Variants in DNASE1 observed in about 807,000 individuals in gnomAD.
The protein encoded by DNASE1 is deoxyribonuclease 1, also known as deoxyribonuclease-1.
DNASE1 carries 40 observed loss-of-function variants against 33.9 expected under a neutral mutation model. That is an observed-to-expected ratio of 1.18 (90% CI 0.92 to 1.54). DNASE1 has a LOEUF of 1.54. DNASE1 is among the 40% of genes most tolerant of loss of function. The pLI, the probability that DNASE1 is intolerant of heterozygous loss-of-function variation, is 0.00. For synonymous variants in DNASE1, 216 were observed against 160.0 expected (o/e 1.35, Z -2.64); for missense variants, 518 against 372.6 (o/e 1.39, Z -3.21).
At chr16:3,612,695 C>T (rs966747251) in intron 1 of DNASE1, among the ~76,000 whole-genome samples, 4 of 152,114 alleles carry the variant, frequency 2.6e-5, no homozygotes, top group Non-Finnish European at 4.4e-5. Flanking sequence ...AGGCGTGAGC[C>T]ACCACGCCCG....
At chr16:3,662,104 G>T, downstream of DNASE1, 1 of 1,613,044 alleles carries the variant, frequency 6.2e-7, no homozygotes, top group Non-Finnish European at 8.5e-7. Flanking sequence ...GGTGACCATG[G>T]CAGGGTGGGT....
intron 7 of DNASE1, 143 bp downstream of exon 7, chr16:3,657,484 C>T (rs983876526): frequency 1.2e-5 from 16 of 1,303,638 alleles, no homozygotes; most frequent in Non-Finnish European, 1.6e-5. Context: ...AACAGAATAA[C>T]AAGAGCCACG....
intron 1 of DNASE1, among the ~76,000 whole-genome samples, chr16:3,612,999 G>A (rs113433938): frequency 8.5e-5 from 13 of 152,258 alleles, no homozygotes; most frequent in African/African-American, 2.9e-4. Context: ...AAAAGATACA[G>A]TATCATAAAA....
At chr16:3,637,291 G>C (rs1460796756) in intron 1 of DNASE1, among the ~76,000 whole-genome samples, 1 of 152,148 alleles carries the variant, frequency 6.6e-6, no homozygotes, top group Non-Finnish European at 1.5e-5. Flanking sequence ...GGTTTCCGTA[G>C]AGACTTCTTA....
downstream of DNASE1, chr16:3,662,215 C>T (rs945220461): frequency 2.4e-5 from 36 of 1,520,636 alleles, no homozygotes; most frequent in Middle Eastern, 2.3e-4. Flanking sequence ...GTGAAGGTCA[C>T]CCAGACCACG....
chr16:3,663,472 T>C (rs776329603), exon 10 of DNASE1: 7 of 1,614,196 alleles, frequency 4.3e-6, no homozygotes, highest in East Asian at 2.2e-5. Context: ...TCCACGACTA[T>C]GTCCGTCTCC....
intron 1 of DNASE1, among the ~76,000 whole-genome samples, chr16:3,631,466 A>G (rs543609901): frequency 6.6e-6 from 1 of 151,898 alleles, no homozygotes; most frequent in East Asian, 1.9e-4. Context: ...CGGCCTCCCA[A>G]AGTGCTGAGA....
chr16:3,619,131 C>T (rs1178112447), intron 1 of DNASE1, among the ~76,000 whole-genome samples: 2 of 151,952 alleles, frequency 1.3e-5, no homozygotes, highest in Non-Finnish European at 2.9e-5. Context: ...ACATCCCAGG[C>T]TCAAGTGATC....
At chr16:3,658,300 A>AGAGT, downstream of DNASE1, 1 of 1,251,820 alleles carries the variant, frequency 8.0e-7, no homozygotes, top group Non-Finnish European at 1.1e-6. Flanking sequence ...TTTTTGAGAC[A>AGAGT]GAGTCTCACT....
chr16:3,647,242 T>C (rs559662420), intron 1 of DNASE1, among the ~76,000 whole-genome samples: 10 of 152,060 alleles, frequency 6.6e-5, no homozygotes, highest in African/African-American at 2.2e-4. Context: ...ATTTGTAGAA[T>C]TGTAAGAACT....
chr16:3,639,908 A>C (rs982911036), upstream of DNASE1, among the ~76,000 whole-genome samples: 4 of 152,196 alleles, frequency 2.6e-5, no homozygotes, highest in African/African-American at 9.6e-5. Flanking sequence ...CAAAAAATGA[A>C]ATAAATTATT....
At chr16:3,620,549 A>G (rs1257530547) in intron 1 of DNASE1, among the ~76,000 whole-genome samples, 2 of 151,902 alleles carry the variant, frequency 1.3e-5, no homozygotes, top group African/African-American at 4.8e-5. Context: ...TATACTATGC[A>G]TATTGCATCA....
At chr16:3,635,094 A>G (rs1288476554) in intron 1 of DNASE1, among the ~76,000 whole-genome samples, 1 of 152,174 alleles carries the variant, frequency 6.6e-6, no homozygotes, top group Non-Finnish European at 1.5e-5. Context: ...AACTGGGTCT[A>G]GAGGCATGCA....
At chr16:3,664,362 G>C in exon 10 of DNASE1, 1 of 1,613,032 alleles carries the variant, frequency 6.2e-7, no homozygotes, top group Non-Finnish European at 8.5e-7. Context: ...GATGTTGCGG[G>C]TGCCGGCCCG....
At chr16:3,651,827 C>T (rs1481923597), upstream of DNASE1, 1 of 152,328 alleles carries the variant, frequency 6.6e-6, no homozygotes, top group African/African-American at 2.4e-5. Context: ...GCAGCATTGA[C>T]TGACACAGAC....
chr16:3,658,807 G>C, downstream of DNASE1: 3 of 1,613,830 alleles, frequency 1.9e-6, no homozygotes, highest in Non-Finnish European at 2.5e-6. Context: ...TCCACCAGCA[G>C]CTGAGCCAGG....
upstream of DNASE1, among the ~76,000 whole-genome samples, chr16:3,639,473 G>C (rs2041970020): frequency 6.6e-6 from 1 of 152,188 alleles, no homozygotes; most frequent in Non-Finnish European, 1.5e-5. Flanking sequence ...CTCGCACGTG[G>C]TTCTTGGCCC....
intron 1 of DNASE1, among the ~76,000 whole-genome samples, chr16:3,625,615 C>G (rs1471136266): frequency 6.7e-6 from 1 of 149,746 alleles, no homozygotes; most frequent in Admixed American, 6.7e-5. Context: ...AGAGCAAGAC[C>G]CTGTGTCAAA....
rs2042572628 is a variant in DNASE1 at position 3,655,884 on chromosome 16, G to A, written c.183G>A (p.Glu61=). 2 of 1,614,020 alleles carry A rather than the reference G, an allele frequency of 1.2e-6. No individual in the cohort carries two copies. Among genetic ancestry groups the A allele is most frequent in the African/African-American group, 2.7e-5 (2 of 75,064 alleles). The change falls in exon 3 of 9, where the codon GAG becomes GAA. Residue 61 remains glutamate (E), a synonymous_variant. Transcript: ENST00000246949. ...GCTATGACATCGCCCTGGTCCAGGA[G>A]GTCAGAGACAGCCACCTGACTGCCG... The part of the protein sequence containing the change: ...LSRYDIALVQ[E]VRDSHLTAVG...
Sources: allele counts gnomAD v4.1 joint callset (sites outside exome capture counted in the v4.1 genomes callset), GRCh38; gene constraint gnomAD v4.1.1; transcripts MANE v1.5; gene names NCBI Gene and HGNC (gene_info 2026-07-23, HGNC 2026-07-21).